Variants in CWF19L2 observed in about 807,000 individuals in gnomAD.
The protein encoded by CWF19L2 is CWF19-like protein 2.
A neutral mutation model predicts 111.7 loss-of-function variants in CWF19L2; 98 were observed. The observed-to-expected ratio is 0.88, with a 90% CI of 0.75 to 1.04. CWF19L2 has a LOEUF of 1.04. Ranked by LOEUF, CWF19L2 falls within the 50% of genes least tolerant of loss-of-function variation. The pLI is 0.00. For missense variants in CWF19L2, 1,101 were observed against 1,051.4 expected, an observed-to-expected ratio of 1.05 and a Z score of -0.65; for synonymous variants, 351 against 342.9, an observed-to-expected ratio of 1.02 and a Z score of -0.26.
At chr11:107,333,632 A>T (rs569027147) in intron 16 of CWF19L2, among the ~76,000 whole-genome samples, 1 of 152,322 alleles carries the variant, frequency 6.6e-6, no homozygotes, top group East Asian at 1.9e-4. Flanking sequence ...TTGTTTTTTA[A>T]TATGTTGTCT....
chr11:107,390,338 G>T, intron 11 of CWF19L2, 127 bp from the exon 12 acceptor site: 1 of 770,076 alleles, frequency 1.3e-6, no homozygotes, highest in Non-Finnish European at 2.0e-6. Flanking sequence ...TTTCCTTCCA[G>T]TTTATCCCTA....
chr11:107,406,596 T>C (rs542222751), intron 10 of CWF19L2, among the ~76,000 whole-genome samples: 2 of 152,204 alleles, frequency 1.3e-5, no homozygotes, highest in East Asian at 1.9e-4. Context: ...AGGCATCATA[T>C]AGGCGCAATG....
intron 12 of CWF19L2, among the ~76,000 whole-genome samples, chr11:107,363,179 G>C (rs1860383482): frequency 6.6e-6 from 1 of 152,088 alleles, no homozygotes; most frequent in Non-Finnish European, 1.5e-5. Context: ...TATGTGAAAA[G>C]ACCAAATCTA....
intron 12 of CWF19L2, among the ~76,000 whole-genome samples, chr11:107,359,167 G>T (rs1278004742): frequency 6.6e-6 from 1 of 152,124 alleles, no homozygotes; most frequent in Non-Finnish European, 1.5e-5. Context: ...CAACAACAGA[G>T]ACCAACACTG....
Position 107,456,991 on chromosome 11 carries a change from T to A in CWF19L2, c.105+721A>T, listed in dbSNP as rs546385049. Reference sequence around the variant, plus strand: ...TAAACTTGTTTAAAACTCTTCCAACTTAAATAAAAACAAAAACCCTCACTG... The same window carrying A: ...TAAACTTGTTTAAAACTCTTCCAACATAAATAAAAACAAAAACCCTCACTG... On this transcript the variant is annotated intron_variant, in intron 1 of 17. Transcript: ENST00000282251. Among the ~76,000 whole-genome samples, 215 of 152,316 alleles carry A rather than the reference T, an allele frequency of 1.4e-3. 1 individual carries two copies. Among genetic ancestry groups the A allele is most frequent in the South Asian group, 3.7e-3 (18 of 4,826 alleles).
chr11:107,454,206 T>C (rs977292448), intron 3 of CWF19L2, among the ~76,000 whole-genome samples: 1 of 152,220 alleles, frequency 6.6e-6, no homozygotes, highest in Non-Finnish European at 1.5e-5. Flanking sequence ...TTGGGCAAGA[T>C]CCAGTGCTGT....
At chr11:107,444,176 G>A (rs995089896) in intron 3 of CWF19L2, among the ~76,000 whole-genome samples, 3 of 150,874 alleles carry the variant, frequency 2.0e-5, no homozygotes, top group Non-Finnish European at 2.9e-5. Context: ...TTAATCTTCC[G>A]GCTTCCATTC....
chr11:107,354,412 G>A (rs1017951624), intron 12 of CWF19L2, among the ~76,000 whole-genome samples: 1 of 152,028 alleles, frequency 6.6e-6, no homozygotes, highest in African/African-American at 2.4e-5. Flanking sequence ...TAATTTCTCT[G>A]TGCTCTCTCT....
At chr11:107,424,878 T>C (rs1047692863) in intron 8 of CWF19L2, among the ~76,000 whole-genome samples, 1 of 151,890 alleles carries the variant, frequency 6.6e-6, no homozygotes, top group Non-Finnish European at 1.5e-5. Context: ...ATGAAAGTTG[T>C]TGAGCACAAA....
chr11:107,339,160 A>G (rs1859970162), intron 14 of CWF19L2, among the ~76,000 whole-genome samples: 1 of 152,176 alleles, frequency 6.6e-6, no homozygotes, highest in South Asian at 2.1e-4. Context: ...TGTTTCATGC[A>G]TCAACAATTC....
intron 10 of CWF19L2, among the ~76,000 whole-genome samples, chr11:107,394,465 T>C (rs893232504): frequency 6.6e-6 from 1 of 152,204 alleles, no homozygotes; most frequent in African/African-American, 2.4e-5. Context: ...AATTGTCATC[T>C]TCCCTGATTT....
chr11:107,427,060 G>A (rs1327293007), intron 8 of CWF19L2, among the ~76,000 whole-genome samples: 1 of 151,936 alleles, frequency 6.6e-6, no homozygotes, highest in African/African-American at 2.4e-5. Context: ...AACAAGAAAG[G>A]TAAAGATATA....
intron 8 of CWF19L2, among the ~76,000 whole-genome samples, chr11:107,428,364 T>A (rs1280238441): frequency 6.6e-6 from 1 of 152,118 alleles, no homozygotes; most frequent in Non-Finnish European, 1.5e-5. Flanking sequence ...CACTTTATAT[T>A]TGGGCCGTGG....
intron 12 of CWF19L2, among the ~76,000 whole-genome samples, chr11:107,383,692 CATAA>C (rs1860725924): frequency 1.3e-5 from 2 of 151,872 alleles, no homozygotes; most frequent in African/African-American, 4.8e-5. Flanking sequence ...CTGGAAAGAA[CATAA>C]ATATAACCTG....
At position 107,353,653 on chromosome 11, in the gene CWF19L2, T is replaced by C; in HGVS notation, c.1956A>G (p.Glu652=). ...SKAAERERLG[E]EEENQRKKAI... Reference sequence around the variant, plus strand: ...CTTTTTTCCTTTGGTTCTCTTCCTCTTCACCAAGACGTTCTCTCTCAGCTG... The same window carrying C: ...CTTTTTTCCTTTGGTTCTCTTCCTCCTCACCAAGACGTTCTCTCTCAGCTG... The change falls in exon 13 of 18, where the codon GAA becomes GAG. Residue 652 remains glutamate (E), a synonymous_variant. Transcript: ENST00000282251. The C allele has an allele frequency of 6.2e-7, 1 of 1,613,832 alleles. No homozygotes were observed. Among genetic ancestry groups the C allele is most frequent in the South Asian group, 1.1e-5 (1 of 91,082 alleles).
At chr11:107,386,871 T>C (rs180923297) in intron 12 of CWF19L2, among the ~76,000 whole-genome samples, 64 of 152,084 alleles carry the variant, frequency 4.2e-4, no homozygotes, top group African/African-American at 1.5e-3. Flanking sequence ...CTGGCCAACA[T>C]GGTGAAACCC....
At chr11:107,423,592 A>G (rs1341346212) in intron 8 of CWF19L2, among the ~76,000 whole-genome samples, 1 of 151,900 alleles carries the variant, frequency 6.6e-6, no homozygotes, top group Non-Finnish European at 1.5e-5. Flanking sequence ...TCTCATCTCA[A>G]CATCGGCCAA....
At chr11:107,356,562 A>G (rs955125116) in intron 12 of CWF19L2, among the ~76,000 whole-genome samples, 3 of 152,202 alleles carry the variant, frequency 2.0e-5, no homozygotes, top group Non-Finnish European at 4.4e-5. Flanking sequence ...CTTACAAATT[A>G]TTATTTTAAA....
chr11:107,349,058 A>G lies in CWF19L2; in HGVS notation c.2086-5T>C. 1.4e-6 allele frequency: 2 copies of G among 1,451,834 alleles called. No individual in the cohort carries two copies. Among genetic ancestry groups the G allele is most frequent in the Non-Finnish European group, 1.9e-6 (2 of 1,044,262 alleles). 89.9% of individuals were successfully genotyped at this position (1,451,834 alleles called of 1,614,324 possible). Reference sequence around the variant, plus strand: ...GTTGGGTAAACATAAATAAACCTATAAGAGAGAAATACAAAAGGTGAAATG... The same window carrying G: ...GTTGGGTAAACATAAATAAACCTATGAGAGAGAAATACAAAAGGTGAAATG... On this transcript the variant is annotated splice_polypyrimidine_tract_variant and splice_region_variant and intron_variant, in intron 13 of 17. Coordinates refer to ENST00000282251, the MANE Select transcript of CWF19L2 (RefSeq NM_152434.3).
Sources: gnomAD v4.1 joint callset for allele counts (sites outside exome capture counted in the v4.1 genomes callset) on GRCh38, gnomAD v4.1.1 for gene constraint, MANE v1.5 for transcripts, NCBI Gene and HGNC (gene_info 2026-07-23, HGNC 2026-07-21) for gene names.